CNKSR2: variants seen among roughly 807,000 people sequenced by gnomAD.
The protein encoded by CNKSR2 is connector enhancer of kinase suppressor of Ras 2, also known as CNK homolog protein 2.
CNKSR2 carries 14 observed loss-of-function variants against 84.4 expected under a neutral mutation model. The observed-to-expected ratio is 0.17, with a 90% CI of 0.11 to 0.26. CNKSR2 has a LOEUF of 0.26. Ranked by LOEUF, CNKSR2 falls within the 10% of genes least tolerant of loss-of-function variation. The pLI is 1.00. For synonymous variants in CNKSR2, 275 were observed against 277.9 expected (o/e 0.99, Z 0.10); for missense variants, 485 against 771.2 (o/e 0.63, Z 4.40).
chrX:21,582,464 G>A (rs986361474), intron 13 of CNKSR2, among the ~76,000 whole-genome samples: 1 of 111,634 alleles, frequency 9.0e-6, no homozygotes, highest in East Asian at 2.8e-4. Context: ...TTGTTACTAT[G>A]ACTACATAAT....
intron 8 of CNKSR2, chrX:21,504,321 A>G (rs1345300496): frequency 3.6e-5 from 4 of 111,617 alleles, no homozygotes; most frequent in African/African-American, 9.7e-5. Context: ...ACATTAAAGT[A>G]TGGCCTAATA....
intron 13 of CNKSR2, among the ~76,000 whole-genome samples, chrX:21,587,280 A>T (rs2092394242): frequency 8.9e-6 from 1 of 112,204 alleles, no homozygotes; most frequent in Non-Finnish European, 1.9e-5. Context: ...AAGGATTTTC[A>T]AACATTAAAA....
intron 1 of CNKSR2, among the ~76,000 whole-genome samples, chrX:21,415,035 T>A (rs1050289101): frequency 2.7e-5 from 3 of 112,188 alleles, no homozygotes; most frequent in African/African-American, 6.5e-5. Flanking sequence ...CTATTCTGGG[T>A]CTTTTGTGAT....
intron 4 of CNKSR2, among the ~76,000 whole-genome samples, chrX:21,450,502 G>A (rs1310111324): frequency 2.7e-5 from 3 of 111,619 alleles, no homozygotes; most frequent in African/African-American, 6.5e-5. Flanking sequence ...AGAGACAAAC[G>A]TATAGGGCCT....
At chrX:21,649,858 A>G (rs1320357822) in intron 21 of CNKSR2, among the ~76,000 whole-genome samples, 1 of 112,357 alleles carries the variant, frequency 8.9e-6, no homozygotes, top group African/African-American at 3.2e-5. Context: ...AGAAATGCAA[A>G]TCAAAACCAC....
At chrX:21,508,815 G>A (rs1476106251) in intron 8 of CNKSR2, among the ~76,000 whole-genome samples, 1 of 112,173 alleles carries the variant, frequency 8.9e-6, no homozygotes, top group Non-Finnish European at 1.9e-5. Context: ...AACAGGGTAT[G>A]GAAAGTCACC....
chrX:21,482,213 AT>A (rs1468358421), intron 5 of CNKSR2, among the ~76,000 whole-genome samples: 1 of 112,542 alleles, frequency 8.9e-6, no homozygotes, highest in African/African-American at 3.2e-5. Flanking sequence ...TCTTTTGAGA[AT>A]TTAAATATAA....
At chrX:21,566,657 A>G (rs2092241262) in intron 13 of CNKSR2, among the ~76,000 whole-genome samples, 1 of 112,048 alleles carries the variant, frequency 8.9e-6, no homozygotes, top group African/African-American at 3.2e-5. Context: ...GTTAAAAGTT[A>G]GAGAAAATTT....
At chrX:21,415,869 CACAT>C (rs76051311) in intron 1 of CNKSR2, among the ~76,000 whole-genome samples, 5,236 of 91,528 alleles carry the variant, frequency 0.057, 138 homozygotes, top group Non-Finnish European at 0.082. Context: ...CACACACACA[CACAT>C]ATATATATAT....
chrX:21,616,473 G>A lies in CNKSR2; in HGVS notation c.2692+6856G>A, dbSNP rs953556697. Reference sequence around the variant, plus strand: ...ATGACATAAAACAAATCAAAACATCGCAGAATTCCTCATTTTTGGTATTTT... The same window carrying A: ...ATGACATAAAACAAATCAAAACATCACAGAATTCCTCATTTTTGGTATTTT... On this transcript the variant is annotated intron_variant, in intron 20 of 21. Coordinates refer to ENST00000379510, the MANE Select transcript of CNKSR2 (RefSeq NM_014927.5). Among the ~76,000 whole-genome samples the A allele has an allele frequency of 5.4e-5, 6 of 111,203 alleles. 1 individual carries two copies. Among genetic ancestry groups the A allele is most frequent in the Admixed American group, 3.9e-4 (4 of 10,385 alleles).
chrX:21,459,100 G>T (rs2091029221), intron 4 of CNKSR2, among the ~76,000 whole-genome samples: 1 of 97,476 alleles, frequency 1.0e-5, no homozygotes, highest in Non-Finnish European at 2.0e-5. Context: ...TCAGCTCACT[G>T]CAATGCCCGC....
intron 6 of CNKSR2, among the ~76,000 whole-genome samples, chrX:21,496,396 C>T: frequency 9.0e-6 from 1 of 111,579 alleles, no homozygotes; most frequent in Middle Eastern, 4.7e-3. Flanking sequence ...CTGAATATTA[C>T]CATGTTGTCA....
chrX:21,453,723 A>C lies in CNKSR2; in HGVS notation c.519+12942A>C, dbSNP rs1359212727. On this transcript the variant is annotated intron_variant, in intron 4 of 21. Coordinates refer to ENST00000379510, the MANE Select transcript of CNKSR2 (RefSeq NM_014927.5). ...GTAATTTATAAAGAAAAGAGGTTTA[A>C]TTGACTCAAAGTTCTGCAGGCTGTA... Among the ~76,000 whole-genome samples the C allele has an allele frequency of 2.7e-5, 3 of 111,833 alleles. No individual in the cohort carries two copies. In the East Asian group the frequency reaches 8.4e-4, roughly 31 times the overall value.
At chrX:21,507,686 A>G (rs2091627496) in intron 8 of CNKSR2, among the ~76,000 whole-genome samples, 1 of 111,821 alleles carries the variant, frequency 8.9e-6, no homozygotes, top group African/African-American at 3.2e-5. Context: ...TGTAAAAATC[A>G]TTTATAGCAA....
intron 20 of CNKSR2, among the ~76,000 whole-genome samples, chrX:21,640,719 A>G (rs1488490524): frequency 3.6e-5 from 4 of 112,106 alleles, no homozygotes; most frequent in African/African-American, 9.7e-5. Context: ...CTAGAGATTT[A>G]AAATATTGCT....
intron 20 of CNKSR2, among the ~76,000 whole-genome samples, chrX:21,640,105 G>A (rs182649260): frequency 1.8e-5 from 2 of 111,531 alleles, no homozygotes; most frequent in African/African-American, 3.2e-5. Context: ...AATAGAATTC[G>A]GCAATTGTGA....
intron 1 of CNKSR2, among the ~76,000 whole-genome samples, chrX:21,388,935 C>T (rs2090010076): frequency 1.8e-5 from 2 of 109,107 alleles, no homozygotes; most frequent in African/African-American, 6.7e-5. Context: ...AGTGATAAGT[C>T]ATGTTGATAG....
intron 1 of CNKSR2, among the ~76,000 whole-genome samples, chrX:21,404,789 CAAAAAAAAAAA>C (rs59192713): frequency 6.7e-5 from 2 of 30,066 alleles, no homozygotes; most frequent in Admixed American, 4.5e-4. Flanking sequence ...AACTCTGTCT[CAAAAAAAAAAA>C]AAAAAAAAAA....
rs945840503 is a variant in CNKSR2, at chrX:21,374,866, T to A, written c.-32T>A. The A allele has an allele frequency of 8.5e-7, 1 of 1,176,804 alleles. No individual in the cohort carries two copies. The highest frequency in any genetic ancestry group is 1.2e-6 in the Non-Finnish European group (1 of 863,353). Reference sequence around the variant, plus strand: ...TGCTGAGTTCGTTTTGTGTCTGAGCTCTGCGCTCTGCACGGAACCGACCCC... The same window carrying A: ...TGCTGAGTTCGTTTTGTGTCTGAGCACTGCGCTCTGCACGGAACCGACCCC... On this transcript the variant is annotated 5_prime_UTR_variant, in exon 1 of 22. Coordinates refer to ENST00000379510, the MANE Select transcript of CNKSR2 (RefSeq NM_014927.5).
Sources: gnomAD v4.1 joint callset for allele counts (sites outside exome capture counted in the v4.1 genomes callset) on GRCh38, gnomAD v4.1.1 for gene constraint, MANE v1.5 for transcripts, NCBI Gene and HGNC (gene_info 2026-07-23, HGNC 2026-07-21) for gene names.